The following LILRB1 variants were observed in gnomAD, a reference collection of about 807,000 sequenced individuals.
The protein encoded by LILRB1 is leukocyte immunoglobulin like receptor B1.
Under a neutral mutation model 74.6 loss-of-function variants are expected in LILRB1, and 59 were observed. That is an observed-to-expected ratio of 0.79 (90% CI 0.64 to 0.98). The LOEUF is 0.98. Ranked by LOEUF, LILRB1 falls within the 50% of genes least tolerant of loss-of-function variation. The pLI is 0.00. For synonymous variants in LILRB1, 328 were observed against 333.9 expected (o/e 0.98, Z 0.19); for missense variants, 804 against 822.6 (o/e 0.98, Z 0.28).
Position 54,636,942 on chromosome 19 carries a change from G to T in LILRB1, c.*64G>T. The stretch of plus-strand genomic sequence containing the variant: ...GGAATGCATGGGAGCTGCCCCCCCA[G>T]TGGACACCATTGGACCCCACCCAGC... On this transcript the variant is annotated 3_prime_UTR_variant, in exon 15 of 15. Coordinates refer to ENST00000324602, the MANE Select transcript of LILRB1 (RefSeq NM_001081637.3). 1 of 1,600,946 alleles carries T rather than the reference G, an allele frequency of 6.2e-7. No homozygotes were observed. The highest frequency in any genetic ancestry group is 8.5e-7 in the Non-Finnish European group (1 of 1,171,244).
upstream of LILRB1, among the ~76,000 whole-genome samples, chr19:54,627,539 G>T (rs2063628977): frequency 6.6e-6 from 1 of 152,132 alleles, no homozygotes. Flanking sequence ...CTTTGACGAG[G>T]TTTATCACTA....
chr19:54,622,603 C>A (rs191281073), intron 1 of LILRB1, among the ~76,000 whole-genome samples: 1 of 152,168 alleles, frequency 6.6e-6, no homozygotes, highest in African/African-American at 2.4e-5. Flanking sequence ...GGTATATGAT[C>A]GTGTCATCAG....
At chr19:54,628,109 G>C (rs1600337362), upstream of LILRB1, among the ~76,000 whole-genome samples, 1 of 152,176 alleles carries the variant, frequency 6.6e-6, no homozygotes, top group African/African-American at 2.4e-5. Context: ...CGATTGGCTA[G>C]TAACTTAGAA....
At chr19:54,624,178 A>C (rs1365492712) in intron 1 of LILRB1, among the ~76,000 whole-genome samples, 1 of 152,174 alleles carries the variant, frequency 6.6e-6, no homozygotes, top group Non-Finnish European at 1.5e-5. Flanking sequence ...CAGATATCCC[A>C]GTGATGAGTG....
chr19:54,634,870 A>C, intron 10 of LILRB1, 107 bp downstream of exon 10: 2 of 1,535,262 alleles, frequency 1.3e-6, no homozygotes, highest in Non-Finnish European at 1.8e-6. Flanking sequence ...AAACTGTTCC[A>C]GCATTTCTCA....
At chr19:54,630,977 G>T in intron 1 of LILRB1, 49 bp from the exon 2 acceptor site, 1 of 1,613,718 alleles carries the variant, frequency 6.2e-7, no homozygotes, top group Non-Finnish European at 8.5e-7. Flanking sequence ...TGAGAAGAAG[G>T]ACCCAGCCTC....
chr19:54,623,732 C>T (rs1887894936), intron 1 of LILRB1, among the ~76,000 whole-genome samples: 1 of 152,182 alleles, frequency 6.6e-6, no homozygotes, highest in Non-Finnish European at 1.5e-5. Context: ...GGTGGTGCCA[C>T]AATATTCAGA....
In LILRB1 at chr19:54,634,666, G is replaced by A. The variant is rs774664103; in HGVS notation, c.1389G>A (p.Val463=). Residue 463 remains valine (V), a synonymous_variant, in exon 10 of 15, where the codon GTG becomes GTA. Coordinates refer to ENST00000324602, the MANE Select transcript of LILRB1 (RefSeq NM_001081637.3). Reference sequence around the variant, plus strand: ...GTCTGGGAAGGCACCTGGGGGTTGTGATCGGCATCTTGGTGGCCGTCATCC... The same window carrying A: ...GTCTGGGAAGGCACCTGGGGGTTGTAATCGGCATCTTGGTGGCCGTCATCC... ...QSGLGRHLGV[V]IGILVAVILL... is the part of the protein sequence containing the mutation. 4 of 1,613,860 alleles carry A rather than the reference G, an allele frequency of 2.5e-6. No individual in the cohort carries two copies. In the South Asian group the frequency reaches 4.4e-5, roughly 18 times the overall value.
intron 1 of LILRB1, among the ~76,000 whole-genome samples, chr19:54,618,100 CA>C (rs1202106742): frequency 2.1e-3 from 166 of 78,110 alleles, no homozygotes; most frequent in African/African-American, 3.7e-3. Flanking sequence ...GCCCCTGCCT[CA>C]AAAAAAAAAA....
rs538400939 is a variant in LILRB1, at chr19:54,636,253, C to G, written c.1654-241C>G. 2.4e-3 allele frequency: 1,812 copies of G among 751,808 alleles called. 3 individuals carry two copies. Among genetic ancestry groups the G allele is most frequent in the African/African-American group, 5.6e-3 (315 of 56,438 alleles). The allele number at this position is 751,808 out of a possible 1,614,324, so 46.6% of individuals were successfully genotyped here. A position where few individuals can be genotyped will look rare whatever the true frequency, so the allele number is the denominator to read the frequency against. On this transcript the variant is annotated intron_variant, in intron 13 of 14. Coordinates refer to ENST00000324602, the MANE Select transcript of LILRB1 (RefSeq NM_001081637.3). Reference sequence around the variant, plus strand: ...GAGGAAACAACCCTGCAAAGGCCCCCAGGCAGCAGCGAGCTCTTGCAGGAA... The same window carrying G: ...GAGGAAACAACCCTGCAAAGGCCCCGAGGCAGCAGCGAGCTCTTGCAGGAA...
chr19:54,618,673 G>A (rs1045479411), intron 1 of LILRB1, among the ~76,000 whole-genome samples: 1 of 152,076 alleles, frequency 6.6e-6, no homozygotes, highest in Non-Finnish European at 1.5e-5. Flanking sequence ...ATCTTTGCTT[G>A]TATAATTTTT....
rs577726368 is a variant in LILRB1, at chr19:54,635,428, G to T, written c.1601-129G>T. 37 of 1,514,756 alleles carry T rather than the reference G, an allele frequency of 2.4e-5. No homozygotes were observed. In the Admixed American group the frequency reaches 2.6e-4, roughly 11 times the overall value. 93.8% of individuals were successfully genotyped at this position (1,514,756 alleles called of 1,614,324 possible). A position where few individuals can be genotyped will look rare whatever the true frequency, so the allele number is the denominator to read the frequency against. ...GAGATCATCTCACCCCACACTGTGG[G>T]GCCTCAGGGACATCGCAGCCCCTCC... On this transcript the variant is annotated intron_variant, in intron 12 of 14. Transcript: ENST00000324602.
At chr19:54,616,416 A>G (rs187319987), upstream of LILRB1, among the ~76,000 whole-genome samples, 3 of 152,146 alleles carry the variant, frequency 2.0e-5, no homozygotes, top group South Asian at 6.2e-4. Flanking sequence ...CTTTTTGTCC[A>G]CAATAATTTG....
chr19:54,616,769 T>G (rs533266658), upstream of LILRB1, among the ~76,000 whole-genome samples: 11 of 152,090 alleles, frequency 7.2e-5, no homozygotes, highest in East Asian at 1.7e-3. Context: ...AACTGTTGTT[T>G]TCATAGGGAA....
At chr19:54,636,340 G>A (rs2064416547) in intron 13 of LILRB1, 154 bp from the exon 14 acceptor site, 2 of 1,421,460 alleles carry the variant, frequency 1.4e-6, no homozygotes, top group East Asian at 4.9e-5. Context: ...CAGAACCACA[G>A]CGAGGGAGCG....
intron 1 of LILRB1, among the ~76,000 whole-genome samples, chr19:54,620,529 C>T (rs1008612721): frequency 6.6e-6 from 1 of 152,044 alleles, no homozygotes; most frequent in African/African-American, 2.4e-5. Flanking sequence ...ACCCGTAGCT[C>T]ACTATTAAAC....
At chr19:54,623,358 G>T (rs1223955028) in intron 1 of LILRB1, among the ~76,000 whole-genome samples, 1 of 152,106 alleles carries the variant, frequency 6.6e-6, no homozygotes, top group Non-Finnish European at 1.5e-5. Flanking sequence ...GGTCTGTTTA[G>T]GGTTTCTATT....
rs7359895 is a variant in LILRB1 at position 54,621,875 on chromosome 19, A to G, written c.-166+4526A>G. On this transcript the variant is annotated intron_variant, in intron 1 of 15. Coordinates refer to the LILRB1 transcript ENST00000396331. ...AGTTGATTTTTGTACATGGTGGGAG[A>G]TAAAGGTCCAGTTTTATTCTTTTGC... Among the ~76,000 whole-genome samples, 1,454 of 152,198 alleles carry G rather than the reference A, an allele frequency of 9.6e-3. 25 individuals are homozygous for G. The highest frequency in any genetic ancestry group is 0.033 in the African/African-American group (1,361 of 41,526).
At chr19:54,631,229 A>G in intron 2 of LILRB1, 42 bp from the exon 3 acceptor site, 1 of 1,614,000 alleles carries the variant, frequency 6.2e-7, no homozygotes, top group Non-Finnish European at 8.5e-7. Context: ...GGACCTGCCC[A>G]GGCTTCAGGG....
Sources: allele counts gnomAD v4.1 joint callset (sites outside exome capture counted in the v4.1 genomes callset), GRCh38; gene constraint gnomAD v4.1.1; transcripts MANE v1.5; gene names NCBI Gene and HGNC (gene_info 2026-07-23, HGNC 2026-07-21).